Variants in TFR2 observed in about 807,000 individuals in gnomAD.
TFR2 encodes transferrin receptor 2, also known as transferrin receptor protein 2.
Under a neutral mutation model 91.9 loss-of-function variants are expected in TFR2, and 64 were observed. The ratio of observed to expected loss-of-function variants is 0.70; its 90% CI spans 0.57 to 0.86. The LOEUF is 0.86. Among genes scored for constraint, TFR2 ranks in the 40% least tolerant of loss-of-function variants. The probability of loss-of-function intolerance (pLI) is 0.00; values close to 1 mark genes in which losing one functional copy is unlikely to be tolerated. For synonymous variants in TFR2, 454 were observed against 459.6 expected, an observed-to-expected ratio of 0.99 and a Z score of 0.15; for missense variants, 950 against 1,080.5, an observed-to-expected ratio of 0.88 and a Z score of 1.69.
At chr7:100,634,929 T>TTTTC (rs559519454) in intron 3 of TFR2, among the ~76,000 whole-genome samples, 1 of 152,042 alleles carries the variant, frequency 6.6e-6, no homozygotes, top group Admixed American at 6.6e-5. Flanking sequence ...TTCTTTTCTT[T>TTTTC]TTTCTTTCTT....
intron 17 of TFR2, chr7:100,626,473 G>T: frequency 7.7e-7 from 1 of 1,297,770 alleles, no homozygotes; most frequent in Non-Finnish European, 9.8e-7. Context: ...GGGAGTCAGC[G>T]GGGAGGGGTG....
rs781585186 is a variant in TFR2 at position 100,627,819 on chromosome 7, A to G, written c.1607T>C (p.Val536Ala). 13 of 1,613,870 alleles carry G rather than the reference A, an allele frequency of 8.1e-6. No homozygotes were observed. The highest frequency in any genetic ancestry group is 9.3e-6 in the Non-Finnish European group (11 of 1,179,946). The change falls in exon 14 of 18, where the codon GTG becomes GCG. Residue 536 changes from valine to alanine, a missense_variant and splice_region_variant. Physicochemically the swap from Val to Ala is moderately conservative, Grantham distance 64. Transcript: ENST00000223051. Reference protein sequence around the residue: ...TSLIESVLKQVDSPNHSGQTL... With the variant: ...TSLIESVLKQADSPNHSGQTL... Reference sequence around the variant, plus strand: ...CTGCCCACTGTGGTTGGGAGAATCCACCTGGGGGTTGGGGAAGGGCACTGA... The same window carrying G: ...CTGCCCACTGTGGTTGGGAGAATCCGCCTGGGGGTTGGGGAAGGGCACTGA...
rs1584451286 is a variant in TFR2, at chr7:100,620,600, G to A, written c.*257C>T. 1 of 475,572 alleles carries A rather than the reference G, an allele frequency of 2.1e-6. No homozygotes were observed. Among genetic ancestry groups the A allele is most frequent in the South Asian group, 2.5e-5 (1 of 40,152 alleles). 29.5% of individuals were successfully genotyped at this position (475,572 alleles called of 1,614,324 possible). A position where few individuals can be genotyped will look rare whatever the true frequency, so the allele number is the denominator to read the frequency against. ...TATGGAGGACCCCAGAAAGGGGAAGGGGCTGTGATTGAAGGGATGCTACTC... is the reference window on the plus strand; with the variant it reads ...TATGGAGGACCCCAGAAAGGGGAAGAGGCTGTGATTGAAGGGATGCTACTC... On this transcript the variant is annotated 3_prime_UTR_variant, in exon 18 of 18. Coordinates refer to ENST00000223051, the MANE Select transcript of TFR2 (RefSeq NM_003227.4).
Position 100,633,416 on chromosome 7 carries a change from G to T in TFR2, c.614C>A (p.Pro205Gln). ...THYVGLQFPDPAHPNTLHWVD... is the reference protein window; with the variant it reads ...THYVGLQFPDQAHPNTLHWVD... ...GCCCCCCGCCCGCGCGCGCACTCACGGATCCGGGAATTGCAGCCCCACGTA... is the reference window on the plus strand; with the variant it reads ...GCCCCCCGCCCGCGCGCGCACTCACTGATCCGGGAATTGCAGCCCCACGTA... The change falls in exon 4 of 18, where the codon CCG becomes CAG. Residue 205 changes from proline (P) to glutamine (Q), a missense_variant and splice_region_variant. By Grantham distance (76) the Pro-to-Gln change is moderately conservative. Transcript: ENST00000223051. The T allele has an allele frequency of 1.9e-6, 3 of 1,609,468 alleles. No homozygotes were observed. Among genetic ancestry groups the T allele is most frequent in the Non-Finnish European group, 2.5e-6 (3 of 1,177,974 alleles).
Position 100,626,791 on chromosome 7 carries a change from G to T in TFR2, c.2108C>A (p.Thr703Lys). ...CATTATGCGCACGTTGTACATGCGTGTCAGTCGCTCGTCTCTCTCCTCCGA... is the reference window on the plus strand; with the variant it reads ...CATTATGCGCACGTTGTACATGCGTTTCAGTCGCTCGTCTCTCTCCTCCGA... ...YSSEERDERL[T>K]RMYNVRIMRV... Residue 703 changes from threonine (T) to lysine (K), a missense_variant, in exon 17 of 18, where the codon ACA becomes AAA. Coordinates refer to ENST00000223051, the MANE Select transcript of TFR2 (RefSeq NM_003227.4). 1.3e-6 allele frequency: 2 copies of T among 1,547,940 alleles called. No individual in the cohort carries two copies. Among genetic ancestry groups the T allele is most frequent in the Non-Finnish European group, 8.7e-7 (1 of 1,146,896 alleles).
Position 100,627,971 on chromosome 7 carries a change from T to A in TFR2, c.1541A>T (p.Asp514Val), listed in dbSNP as rs758179159. The part of the protein sequence containing the change: ...YVSLDNAVLG[D>V]DKFHAKTSPL... ...GCTGGTCTTGGCATGAAACTTGTCATCCCCTGGAAAAAGGGGAGGGGAGGG... is the reference window on the plus strand; with the variant it reads ...GCTGGTCTTGGCATGAAACTTGTCAACCCCTGGAAAAAGGGGAGGGGAGGG... Residue 514 changes from aspartate (D) to valine (V), a missense_variant, in exon 13 of 18, where the codon GAT becomes GTT. Physicochemically the swap from Asp to Val is radical, Grantham distance 152. Transcript: ENST00000223051. The A allele has an allele frequency of 1.2e-6, 2 of 1,613,832 alleles. No homozygotes were observed. Among genetic ancestry groups the A allele is most frequent in the East Asian group, 4.5e-5 (2 of 44,858 alleles).
At chr7:100,621,876 C>G (rs1803122489) in intron 17 of TFR2, among the ~76,000 whole-genome samples, 1 of 152,160 alleles carries the variant, frequency 6.6e-6, no homozygotes, top group African/African-American at 2.4e-5. Context: ...TCCTAGTTTC[C>G]TAGCCTCTCC....
At position 100,630,885 on chromosome 7, in the gene TFR2, A is replaced by G; in HGVS notation, c.1270+4T>C. The G allele has an allele frequency of 6.2e-7, 1 of 1,612,566 alleles. No homozygotes were observed. Among genetic ancestry groups the G allele is most frequent in the Non-Finnish European group, 8.5e-7 (1 of 1,179,822 alleles). On this transcript the variant is annotated splice_donor_region_variant and intron_variant, in intron 9 of 17. Coordinates refer to ENST00000223051, the MANE Select transcript of TFR2 (RefSeq NM_003227.4). ...CTGTGAGTGATACTGGACACACAGC[A>G]TACCTGGCTCTGAGCGGCCTTCGAT...
chr7:100,632,646 C>G, intron 6 of TFR2: 1 of 338,000 alleles, frequency 3.0e-6, no homozygotes, highest in South Asian at 2.5e-5. Flanking sequence ...CACTCCTGGG[C>G]TCAAGCGATC....
In TFR2 at chr7:100,630,976, GC is replaced by G; in HGVS notation, c.1182del (p.Pro395HisfsTer5). On this transcript the variant is annotated frameshift_variant, in exon 9 of 18. Transcript: ENST00000223051. LOFTEE classifies it high-confidence loss of function. ...LLGSPYHLGPGPRLRLVVNNH... is the reference protein window; with the variant it reads ...LLGSPYHLGPXPRLRLVVNNH... ...TTGTTGACCACTAGCCGCAGTCGTG[GC>G]CCGGGGCCCAGGTGATAAGGGGAGC... The G allele has an allele frequency of 6.2e-7, 1 of 1,612,218 alleles. No individual in the cohort carries two copies. Among genetic ancestry groups the G allele is most frequent in the Non-Finnish European group, 8.5e-7 (1 of 1,179,620 alleles).
intron 3 of TFR2, 56 bp downstream of exon 3, chr7:100,640,630 C>T (rs557910267): frequency 6.3e-7 from 1 of 1,589,576 alleles, no homozygotes; most frequent in East Asian, 2.2e-5. Flanking sequence ...GAGGCCCAGT[C>T]TGAGCGGATG....
chr7:100,633,326 G>C lies in TFR2; in HGVS notation c.629C>G (p.Thr210Ser). The C allele has an allele frequency of 6.2e-7, 1 of 1,613,494 alleles. No homozygotes were observed. Among genetic ancestry groups the C allele is most frequent in the Non-Finnish European group, 8.5e-7 (1 of 1,179,812 alleles). ...LQFPDPAHPN[T>S]LHWVDEAGKV... ...CCCGGCCTCATCGACCCAGTGCAGGGTGTTGGGGTGAGCCCTGGGGAGCGG... is the reference window on the plus strand; with the variant it reads ...CCCGGCCTCATCGACCCAGTGCAGGCTGTTGGGGTGAGCCCTGGGGAGCGG... Residue 210 changes from threonine (T) to serine (S), a missense_variant, in exon 5 of 18, where the codon ACC becomes AGC. By Grantham distance (58) the Thr-to-Ser change is moderately conservative. Transcript: ENST00000223051.
chr7:100,627,809 G>T lies in TFR2; in HGVS notation c.1617C>A (p.Pro539=), dbSNP rs1408470468. 6.2e-7 allele frequency: 1 copy of T among 1,614,052 alleles called. No homozygotes were observed. The highest frequency in any genetic ancestry group is 1.7e-5 in the Admixed American group (1 of 60,016). The change falls in exon 14 of 18, where the codon CCC becomes CCA. Residue 539 remains proline, a synonymous_variant. Coordinates refer to ENST00000223051, the MANE Select transcript of TFR2 (RefSeq NM_003227.4). ...CATAGAGAGTCTGCCCACTGTGGTT[G>T]GGAGAATCCACCTGGGGGTTGGGGA... is the stretch of plus-strand genomic sequence containing the variant. ...IESVLKQVDS[P]NHSGQTLYEQ...
Position 100,632,077 on chromosome 7 carries a change from C to T in TFR2, c.966+5G>A, listed in dbSNP as rs1319622152. ...GAACAGCACGACCAGCCTCCCCAGA[C>T]TCACATGTCCATACACTGCCTGCTG... On this transcript the variant is annotated splice_donor_5th_base_variant and intron_variant, in intron 7 of 17. Coordinates refer to ENST00000223051, the MANE Select transcript of TFR2 (RefSeq NM_003227.4). 4.3e-6 allele frequency: 7 copies of T among 1,614,076 alleles called. No homozygotes were observed. Among genetic ancestry groups the T allele is most frequent in the Non-Finnish European group, 5.9e-6 (7 of 1,180,034 alleles).
At chr7:100,639,550 T>G (rs1803649398) in intron 3 of TFR2, among the ~76,000 whole-genome samples, 2 of 151,646 alleles carry the variant, frequency 1.3e-5, no homozygotes, top group African/African-American at 2.4e-5. Context: ...TTACCTTAAA[T>G]TCATGTCCTC....
chr7:100,640,052 G>C (rs1803663176), intron 3 of TFR2: 1 of 151,794 alleles, frequency 6.6e-6, no homozygotes, highest in Non-Finnish European at 1.5e-5. Flanking sequence ...CCAAAGTGCT[G>C]GGATTACAGG....
At chr7:100,626,949 C>T (rs1274593416) in intron 16 of TFR2, 46 bp from the exon 17 acceptor site, 2 of 1,518,904 alleles carry the variant, frequency 1.3e-6, no homozygotes, top group Non-Finnish European at 1.8e-6. Context: ...GGGGCCAGGA[C>T]CCCCGCCTAG....
At position 100,641,120 on chromosome 7, in the gene TFR2, A is replaced by G; in HGVS notation, c.142T>C (p.Leu48=). Residue 48 remains leucine, a synonymous_variant, in exon 2 of 18, where the codon TTG becomes CTG. Transcript: ENST00000223051. ...EEDGEEGAET[L]AHFCPMELRG... is the part of the protein sequence containing the mutation. ...AGCTCCATGGGGCAGAAGTGGGCCA[A>G]TGTCTCCGCCCCCTCCTCCCCGTCT... The G allele has an allele frequency of 6.3e-7, 1 of 1,577,552 alleles. No individual in the cohort carries two copies. The highest frequency in any genetic ancestry group is 1.2e-5 in the South Asian group (1 of 86,438).
intron 17 of TFR2, chr7:100,626,453 G>A (rs1803251701): frequency 3.2e-6 from 4 of 1,251,100 alleles, no homozygotes; most frequent in Non-Finnish European, 4.0e-6. Context: ...GGCAGTGGGA[G>A]CTATAGGAGG....
Sources: gnomAD v4.1 joint callset for allele counts (sites outside exome capture counted in the v4.1 genomes callset) on GRCh38, gnomAD v4.1.1 for gene constraint, MANE v1.5 for transcripts, NCBI Gene and HGNC (gene_info 2026-07-23, HGNC 2026-07-21) for gene names.